Variants in STK17B observed in about 807,000 individuals in gnomAD.
The protein encoded by STK17B is serine/threonine kinase 17b.
In STK17B, 21 loss-of-function variants were observed where a neutral mutation model predicts 42.0. That is an observed-to-expected ratio of 0.50 (90% CI 0.35 to 0.72). STK17B has a LOEUF of 0.72. STK17B is among the 30% of genes least tolerant of loss of function. STK17B has a pLI of 0.00. For missense variants in STK17B, 349 were observed against 446.0 expected (o/e 0.78, Z 1.96); for synonymous variants, 143 against 148.4 (o/e 0.96, Z 0.26).
chr2:196,163,272 C>G lies in STK17B; in HGVS notation c.112G>C (p.Glu38Gln). 6.2e-7 allele frequency: 1 copy of G among 1,609,242 alleles called. No homozygotes were observed. The highest frequency in any genetic ancestry group is 8.5e-7 in the Non-Finnish European group (1 of 1,178,796). The change falls in exon 2 of 8, where the codon GAG (glutamate) becomes CAG (glutamine). Residue 38 changes from glutamate to glutamine, a missense_variant. Around this residue, in one of 3 missense-constraint regions of STK17B, gnomAD observed 256 missense variants for 347.7 expected, o/e 0.74. Coordinates refer to ENST00000263955, the MANE Select transcript of STK17B (RefSeq NM_004226.4). Reference protein sequence around the residue: ...FNNFYILTSKELGRGKFAVVR... With the variant: ...FNNFYILTSKQLGRGKFAVVR... ...ATATGGTTTTCTTACCTCCCTAGCT[C>G]TTTAGATGTAAGTATATAGAAATTA... is the stretch of plus-strand genomic sequence containing the variant.
intron 3 of STK17B, among the ~76,000 whole-genome samples, chr2:196,147,734 ATAT>A (rs1559410779): frequency 6.9e-6 from 1 of 145,428 alleles, no homozygotes; most frequent in Admixed American, 6.9e-5. Flanking sequence ...GAGACATAAT[ATAT>A]TTTTTTTTTT....
intron 4 of STK17B, among the ~76,000 whole-genome samples, chr2:196,145,687 A>C (rs1699562778): frequency 6.6e-6 from 1 of 152,222 alleles, no homozygotes; most frequent in African/African-American, 2.4e-5. Context: ...GGAATGATGC[A>C]TTTTAAGAGC....
intron 4 of STK17B, 25 bp from the exon 5 acceptor site, chr2:196,143,711 G>T: frequency 6.8e-7 from 1 of 1,480,434 alleles, no homozygotes; most frequent in Non-Finnish European, 9.0e-7. Context: ...ACAAAAACAT[G>T]ATAAGTAATA....
chr2:196,146,053 G>A lies in STK17B; in HGVS notation c.338C>T (p.Ala113Val). ...CAGGCTGAAAATTTCTCCACCTGCA[G>A]CACTAAAATAAAATTCAAAGAACAG... Reference protein sequence around the residue: ...TSEIILILEYAAGGEIFSLCL... With the variant: ...TSEIILILEYVAGGEIFSLCL... The change falls in exon 4 of 8, where the codon GCT (alanine) becomes GTT (valine). Residue 113 changes from alanine to valine, a missense_variant and splice_region_variant. By Grantham distance (64) the Ala-to-Val change is moderately conservative. This residue lies in a region of STK17B where 256 missense variants were observed against 347.7 expected (regional missense o/e 0.74). Transcript: ENST00000263955. The A allele has an allele frequency of 6.3e-7, 1 of 1,578,538 alleles. No homozygotes were observed.
intron 3 of STK17B, among the ~76,000 whole-genome samples, chr2:196,152,577 C>G (rs145419598): frequency 6.6e-6 from 1 of 152,282 alleles, no homozygotes; most frequent in Non-Finnish European, 1.5e-5. Context: ...TCGACTAAAG[C>G]AAGATCCAAC....
At chr2:196,163,161 A>G (rs1699834587) in intron 2 of STK17B, 101 bp downstream of exon 2, 2 of 1,391,282 alleles carry the variant, frequency 1.4e-6, no homozygotes, top group Admixed American at 2.0e-5. Flanking sequence ...TTCCTTCCTA[A>G]TCATTGTTAA....
At chr2:196,138,407 T>C (rs999338287) in intron 7 of STK17B, among the ~76,000 whole-genome samples, 12 of 152,252 alleles carry the variant, frequency 7.9e-5, no homozygotes, top group African/African-American at 1.7e-4. Flanking sequence ...CAGATGCCCA[T>C]TGAAGCTTCT....
upstream of STK17B, among the ~76,000 whole-genome samples, chr2:196,174,786 G>A (rs1467005213): frequency 6.6e-6 from 1 of 152,260 alleles, no homozygotes; most frequent in Non-Finnish European, 1.5e-5. Context: ...GAACCAGAGA[G>A]ACTCTAAGAG....
chr2:196,144,848 T>C (rs1432395978), intron 4 of STK17B, among the ~76,000 whole-genome samples: 1 of 152,066 alleles, frequency 6.6e-6, no homozygotes, highest in Non-Finnish European at 1.5e-5. Flanking sequence ...TCGCTTAACT[T>C]TGGGGCAATC....
At chr2:196,175,350 G>A (rs1370010921), upstream of STK17B, among the ~76,000 whole-genome samples, 2 of 152,200 alleles carry the variant, frequency 1.3e-5, no homozygotes, top group African/African-American at 4.8e-5. Context: ...TTCACGCCAG[G>A]TGTGGTGGCT....
rs373533424 is a variant in STK17B at position 196,143,605 on chromosome 2, G to A, written c.562C>T (p.His188Tyr). Residue 188 changes from histidine to tyrosine, a missense_variant, in exon 5 of 8, where the codon CAT (histidine) becomes TAT (tyrosine). By Grantham distance (83) the His-to-Tyr change is moderately conservative. Transcript: ENST00000263955. The stretch of plus-strand genomic sequence containing the variant: ...ATGATTTCCCGAAGTTCACACGCAT[G>A]CCCTATTTTTCGAGACATTCCAAAA... Reference protein sequence around the residue: ...VDFGMSRKIGHACELREIMGT... With the variant: ...VDFGMSRKIGYACELREIMGT... 11 of 1,609,328 alleles carry A rather than the reference G, an allele frequency of 6.8e-6. No individual in the cohort carries two copies. The highest frequency in any genetic ancestry group is 1.7e-5 in the Admixed American group (1 of 59,290).
intron 3 of STK17B, chr2:196,153,333 C>T (rs1422261423): frequency 2.7e-5 from 4 of 147,162 alleles, no homozygotes; most frequent in East Asian, 2.0e-4. Flanking sequence ...CTATTTTGTA[C>T]GTATTGTTGG....
At position 196,137,343 on chromosome 2, in the gene STK17B, G is replaced by T; in HGVS notation, c.*104C>A. On this transcript the variant is annotated 3_prime_UTR_variant, in exon 8 of 8. Transcript: ENST00000263955. ...TCCCTAAATTATTCCATGGAAAAGT[G>T]CATTTACAATATAAACATGTCATAT... 8.2e-7 allele frequency: 1 copy of T among 1,223,268 alleles called. No individual in the cohort carries two copies. Among genetic ancestry groups the T allele is most frequent in the Non-Finnish European group, 1.1e-6 (1 of 891,006 alleles). 75.8% of individuals were successfully genotyped at this position (1,223,268 alleles called of 1,614,324 possible).
At chr2:196,158,485 G>A (rs1519597) in intron 2 of STK17B, among the ~76,000 whole-genome samples, 88,944 of 152,084 alleles carry the variant, frequency 0.58, 26,841 homozygotes, top group East Asian at 0.92. Context: ...CTCATTGTAT[G>A]CAGAAGGAAT....
intron 3 of STK17B, 23 bp downstream of exon 3, chr2:196,156,416 G>C (rs1471978560): frequency 2.0e-6 from 3 of 1,526,312 alleles, no homozygotes; most frequent in Non-Finnish European, 2.7e-6. Context: ...AACTAAAATA[G>C]GTACTATTTA....
chr2:196,137,641 T>A lies in STK17B; in HGVS notation c.925A>T (p.Ser309Cys). 2 of 1,614,136 alleles carry A rather than the reference T, an allele frequency of 1.2e-6. No individual in the cohort carries two copies. The highest frequency in any genetic ancestry group is 2.2e-5 in the South Asian group (2 of 91,086). ...GAATGATCCTGAGTTTGAGAGGAACTGGAAGTTTCTTCAGGGTGAAACAAG... is the reference window on the plus strand; with the variant it reads ...GAATGATCCTGAGTTTGAGAGGAACAGGAAGTTTCTTCAGGGTGAAACAAG... ...ENLFHPEETS[S>C]SSQTQDHSVR... is the part of the protein sequence containing the mutation. Residue 309 changes from serine (S) to cysteine (C), a missense_variant, in exon 8 of 8, where the codon AGT becomes TGT. Physicochemically the swap from Ser to Cys is moderately radical, Grantham distance 112 (BLOSUM62 -1). Coordinates refer to ENST00000263955, the MANE Select transcript of STK17B (RefSeq NM_004226.4).
chr2:196,137,351 A>G lies in STK17B; in HGVS notation c.*96T>C, dbSNP rs1021924903. On this transcript the variant is annotated 3_prime_UTR_variant, in exon 8 of 8. Coordinates refer to ENST00000263955, the MANE Select transcript of STK17B (RefSeq NM_004226.4). Reference sequence around the variant, plus strand: ...TTATTCCATGGAAAAGTGCATTTACAATATAAACATGTCATATATGAAGCT... The same window carrying G: ...TTATTCCATGGAAAAGTGCATTTACGATATAAACATGTCATATATGAAGCT... 1 of 1,306,286 alleles carries G rather than the reference A, an allele frequency of 7.7e-7. No homozygotes were observed. 80.9% of individuals were successfully genotyped at this position (1,306,286 alleles called of 1,614,324 possible). A position where few individuals can be genotyped will look rare whatever the true frequency, so the allele number is the denominator to read the frequency against.
intron 3 of STK17B, among the ~76,000 whole-genome samples, chr2:196,148,556 T>A (rs1699615340): frequency 6.6e-6 from 1 of 152,214 alleles, no homozygotes; most frequent in African/African-American, 2.4e-5. Flanking sequence ...ATATAAATAC[T>A]GATAATCTAG....
intron 3 of STK17B, chr2:196,153,866 G>A (rs1390903724): frequency 6.6e-6 from 1 of 152,168 alleles, no homozygotes; most frequent in Non-Finnish European, 1.5e-5. Flanking sequence ...AATGCCATGT[G>A]TTAGATTAAT....
Sources: allele counts gnomAD v4.1 joint callset (sites outside exome capture counted in the v4.1 genomes callset), GRCh38; gene constraint gnomAD v4.1.1; regional missense constraint gnomAD v4.1.1; transcripts MANE v1.5; gene names NCBI Gene and HGNC (gene_info 2026-07-23, HGNC 2026-07-21).